MTOR: variants seen among roughly 807,000 people sequenced by gnomAD.
MTOR encodes mechanistic target of rapamycin kinase.
In MTOR, 70 loss-of-function variants were observed where a neutral mutation model predicts 319.8. The observed-to-expected ratio is 0.22, with a 90% confidence interval of 0.18 to 0.27. The LOEUF is 0.27. MTOR is among the 10% of genes least tolerant of loss of function. The pLI is 1.00. For missense variants in MTOR, 1,890 were observed against 3,274.4 expected, an observed-to-expected ratio of 0.58 and a Z score of 10.32; for synonymous variants, 1,183 against 1,211.4, an observed-to-expected ratio of 0.98 and a Z score of 0.49.
At chr1:11,163,488 C>T (rs569799291) in intron 29 of MTOR, among the ~76,000 whole-genome samples, 1 of 152,354 alleles carries the variant, frequency 6.6e-6, no homozygotes, top group African/African-American at 2.4e-5. Flanking sequence ...ACATTCTTCT[C>T]AGCACCACAT....
At chr1:11,254,280 C>T (rs1252379796) in intron 5 of MTOR, among the ~76,000 whole-genome samples, 7 of 152,072 alleles carry the variant, frequency 4.6e-5, no homozygotes, top group Admixed American at 1.3e-4. Context: ...GCTGAGATTA[C>T]AGGCACACAC....
intron 3 of MTOR, among the ~76,000 whole-genome samples, chr1:11,258,250 C>T (rs983584302): frequency 1.1e-4 from 17 of 152,218 alleles, no homozygotes; most frequent in African/African-American, 3.9e-4. Flanking sequence ...AAGCTGGCTT[C>T]TAGTCTCAGC....
intron 28 of MTOR, chr1:11,194,531 G>A (rs924321890): frequency 5.0e-6 from 8 of 1,613,976 alleles, no homozygotes; most frequent in Middle Eastern, 1.6e-4. Flanking sequence ...AACAGCTATC[G>A]CCTCTTCCTG....
intron 32 of MTOR, among the ~76,000 whole-genome samples, chr1:11,145,533 C>T (rs570240880): frequency 4.6e-5 from 7 of 151,732 alleles, no homozygotes; most frequent in African/African-American, 1.2e-4. Context: ...TACAGGCGCC[C>T]GCCACCACGC....
At chr1:11,151,727 A>G (rs780692531) in intron 30 of MTOR, among the ~76,000 whole-genome samples, 3 of 152,232 alleles carry the variant, frequency 2.0e-5, no homozygotes, top group Non-Finnish European at 4.4e-5. Flanking sequence ...GATCCTGACT[A>G]GAGGTAGAAG....
intron 28 of MTOR, among the ~76,000 whole-genome samples, chr1:11,168,724 G>A (rs1251973572): frequency 6.6e-6 from 1 of 152,226 alleles, no homozygotes; most frequent in Admixed American, 6.5e-5. Context: ...GGACAACTGG[G>A]CAGTGCCACT....
intron 28 of MTOR, among the ~76,000 whole-genome samples, chr1:11,178,223 G>A (rs1387977437): frequency 1.3e-5 from 2 of 152,180 alleles, no homozygotes; most frequent in African/African-American, 4.8e-5. Context: ...GCCTCGGAGA[G>A]GAATACTGCC....
At chr1:11,142,646 G>T (rs766737677) in intron 34 of MTOR, among the ~76,000 whole-genome samples, 1 of 152,068 alleles carries the variant, frequency 6.6e-6, no homozygotes, top group Non-Finnish European at 1.5e-5. Context: ...ACTCAGAAGG[G>T]GAGTTCCTGA....
rs1274949050 is a variant in MTOR at position 11,119,690 on chromosome 1, G to A, written c.6933+1556C>T. Among the ~76,000 whole-genome samples, 10 of 149,038 alleles carry A rather than the reference G, an allele frequency of 6.7e-5. No individual in the cohort carries two copies. In the East Asian group the frequency reaches 2.0e-3, roughly 30 times the overall value. On this transcript the variant is annotated intron_variant, in intron 49 of 57. Transcript: ENST00000361445. ...CAACCTGGGAGACGGAGTATGTAGTGAGCCGAGATCGTGCTGCTGCACTCC... is the reference window on the plus strand; with the variant it reads ...CAACCTGGGAGACGGAGTATGTAGTAAGCCGAGATCGTGCTGCTGCACTCC...
chr1:11,193,786 G>GC, intron 28 of MTOR: 1 of 1,613,676 alleles, frequency 6.2e-7, no homozygotes, highest in East Asian at 2.2e-5. Flanking sequence ...TAAGCACAAG[G>GC]CCAGGGGCCC....
At chr1:11,220,065 G>GA (rs143599037) in intron 19 of MTOR, among the ~76,000 whole-genome samples, 105,176 of 108,274 alleles carry the variant, frequency 0.97, 51,274 homozygotes, top group African/African-American at 0.99. Flanking sequence ...AGAAAAGAAA[G>GA]AAAAAAAAAA....
At chr1:11,165,543 T>G (rs1211567663) in intron 29 of MTOR, among the ~76,000 whole-genome samples, 3 of 152,048 alleles carry the variant, frequency 2.0e-5, no homozygotes, top group Non-Finnish European at 2.9e-5. Context: ...ACAAGGGATG[T>G]GAAGGACCTC....
chr1:11,260,852 T>TA (rs1651022418), intron 1 of MTOR, among the ~76,000 whole-genome samples: 1 of 150,678 alleles, frequency 6.6e-6, no homozygotes, highest in Non-Finnish European at 1.5e-5. Context: ...TGCAGTGGCA[T>TA]GATCTCGGCT....
At position 11,128,338 on chromosome 1, in the gene MTOR, G is replaced by T; in HGVS notation, c.5910+116C>A. The stretch of plus-strand genomic sequence containing the variant: ...CGGCTGGCTGGACAGACCCTCCTGG[G>T]CCAGGATGGAACACATGGCTCCCAG... On this transcript the variant is annotated intron_variant, in intron 42 of 57. Coordinates refer to ENST00000361445, the MANE Select transcript of MTOR (RefSeq NM_004958.4). This position sits in a 1 kb window ranked among gnomAD's most constrained non-coding sequence, Gnocchi z 5.3. The T allele has an allele frequency of 7.8e-7, 1 of 1,274,886 alleles. No individual in the cohort carries two copies. Among genetic ancestry groups the T allele is most frequent in the Non-Finnish European group, 1.1e-6 (1 of 898,152 alleles). The allele number at this position is 1,274,886 out of a possible 1,614,324, so 79.0% of individuals were successfully genotyped here.
At chr1:11,193,291 C>T (rs145043259) in intron 28 of MTOR, among the ~76,000 whole-genome samples, 143 of 151,376 alleles carry the variant, frequency 9.4e-4, no homozygotes, top group African/African-American at 3.3e-3. Flanking sequence ...GCCTGGGCAA[C>T]AAGAGTGAAA....
intron 19 of MTOR, among the ~76,000 whole-genome samples, chr1:11,216,628 G>A (rs1646479571): frequency 7.0e-6 from 1 of 142,328 alleles, no homozygotes; most frequent in South Asian, 2.2e-4. Flanking sequence ...CAGAGTGCAG[G>A]GTGACAGGGT....
intron 19 of MTOR, 50 bp from the exon 20 acceptor site, chr1:11,216,284 C>A (rs28730686): frequency 6.3e-6 from 9 of 1,431,350 alleles, no homozygotes; most frequent in Non-Finnish European, 7.9e-6. Flanking sequence ...GACATTGAAC[C>A]CCCAGGCTTA....
In MTOR at chr1:11,243,097, A is replaced by T; in HGVS notation, c.1412+17T>A. ...ACCAAATGGAGTGGAAGGTGAAATC[A>T]TAACAGAGGTGCTTACTTATGGGCG... is the stretch of plus-strand genomic sequence containing the variant. On this transcript the variant is annotated intron_variant, in intron 9 of 57. Coordinates refer to ENST00000361445, the MANE Select transcript of MTOR (RefSeq NM_004958.4). 3.7e-6 allele frequency: 6 copies of T among 1,612,902 alleles called. No homozygotes were observed. Among genetic ancestry groups the T allele is most frequent in the Non-Finnish European group, 5.1e-6 (6 of 1,179,718 alleles).
At chr1:11,126,909 TA>T in intron 45 of MTOR, 100 bp downstream of exon 45, 1 of 1,574,478 alleles carries the variant, frequency 6.4e-7, no homozygotes, top group East Asian at 2.2e-5. Flanking sequence ...AAAGCAGAAG[TA>T]AAACCAGATG....
Sources: allele counts gnomAD v4.1 joint callset (sites outside exome capture counted in the v4.1 genomes callset), GRCh38; gene constraint gnomAD v4.1.1; non-coding constraint Gnocchi (gnomAD v3.1); transcripts MANE v1.5; gene names NCBI Gene and HGNC (gene_info 2026-07-23, HGNC 2026-07-21).